ASTL: variants seen among roughly 807,000 people sequenced by gnomAD.
The protein encoded by ASTL is astacin like metalloendopeptidase, also known as astacin-like metalloendopeptidase.
A neutral mutation model predicts 36.7 loss-of-function variants in ASTL; 27 were observed. The observed-to-expected ratio is 0.73, with a 90% CI of 0.54 to 1.01. The LOEUF (loss-of-function observed/expected upper bound fraction) is 1.01, where lower values mean the gene tolerates loss of function less well. Among genes scored for constraint, ASTL ranks in the 50% least tolerant of loss-of-function variants. The pLI is 0.00. For missense variants in ASTL, 524 were observed against 572.8 expected (o/e 0.91, Z 0.87); for synonymous variants, 222 against 228.1 (o/e 0.97, Z 0.24).
intron 8 of ASTL, among the ~76,000 whole-genome samples, chr2:96,126,835 G>A (rs1328360579): frequency 6.7e-5 from 10 of 150,308 alleles, no homozygotes; most frequent in South Asian, 2.1e-4. Context: ...CAGCCTGGGC[G>A]ACAGAGTGAG....
chr2:96,124,249 A>ACCTCACAC lies in ASTL; in HGVS notation c.896_897insGTGTGAGG (p.Arg300CysfsTer55). The stretch of plus-strand genomic sequence containing the variant: ...ATAGGGAGGCCGGAGCGGGGCTCCT[A>ACCTCACAC]CCAGTGCTGTGGGCATGGGACCCTG... On this transcript the variant is annotated frameshift_variant, in exon 9 of 9. Coordinates refer to ENST00000342380, the MANE Select transcript of ASTL (RefSeq NM_001002036.4). LOFTEE classifies it low-confidence loss of function (END_TRUNC). This position sits in a 1 kb window ranked among gnomAD's most constrained non-coding sequence, Gnocchi z 4.1. The ACCTCACAC allele has an allele frequency of 6.6e-7, 1 of 1,514,048 alleles. No individual in the cohort carries two copies. Among genetic ancestry groups the ACCTCACAC allele is most frequent in the South Asian group, 1.3e-5 (1 of 74,684 alleles). The allele number at this position is 1,514,048 out of a possible 1,614,324, so 93.8% of individuals were successfully genotyped here.
Position 96,138,377 on chromosome 2 carries a change from C to T in ASTL, c.55+5G>A. On this transcript the variant is annotated splice_donor_5th_base_variant and intron_variant, in intron 1 of 8. Coordinates refer to ENST00000342380, the MANE Select transcript of ASTL (RefSeq NM_001002036.4). ...AGCAGCAGGAGGGACAGGCAGCCAG[C>T]TTACCTGGCAAGGAGAGCAGACCCA... The T allele has an allele frequency of 1.2e-6, 2 of 1,607,292 alleles. No individual in the cohort carries two copies. Among genetic ancestry groups the T allele is most frequent in the Non-Finnish European group, 1.7e-6 (2 of 1,176,582 alleles).
In ASTL at chr2:96,137,655, C is replaced by T; in HGVS notation, c.101G>A (p.Cys34Tyr). ...APLASSCAGA[C>Y]GTSFPDGLTP... ...GAGGCCATCTGGGAAGCTGGTACCA[C>T]AGGCTCCTGCGCAGCTGGAGGCCAG... is the stretch of plus-strand genomic sequence containing the variant. The change falls in exon 2 of 9, where the codon TGT becomes TAT. Residue 34 changes from cysteine (C) to tyrosine (Y), a missense_variant. Coordinates refer to ENST00000342380, the MANE Select transcript of ASTL (RefSeq NM_001002036.4). 2 of 1,613,962 alleles carry T rather than the reference C, an allele frequency of 1.2e-6. No individual in the cohort carries two copies. Among genetic ancestry groups the T allele is most frequent in the Non-Finnish European group, 1.7e-6 (2 of 1,179,938 alleles).
In ASTL at chr2:96,132,559, GT is replaced by G. The variant is rs764556124; in HGVS notation, c.617del (p.Asn206ThrfsTer22). Reference protein sequence around the residue: ...RADRDRYIRVNWNEILPGFEI... With the variant: ...RADRDRYIRVXWNEILPGFEI... ...GCTCACCTGGCAGGATCTCGTTCCA[GT>G]TGACACGGATATAGCGGTCCCGGTC... is the stretch of plus-strand genomic sequence containing the variant. On this transcript the variant is annotated frameshift_variant, in exon 6 of 9. Coordinates refer to ENST00000342380, the MANE Select transcript of ASTL (RefSeq NM_001002036.4). LOFTEE classifies it high-confidence loss of function. The surrounding 1 kb of genome is among the most constrained non-coding windows in gnomAD (Gnocchi z 5.4). 2 of 1,601,958 alleles carry G rather than the reference GT, an allele frequency of 1.2e-6. No individual in the cohort carries two copies. The highest frequency in any genetic ancestry group is 3.3e-5 in the Admixed American group (2 of 59,736).
chr2:96,136,853 T>C (rs966896095), intron 2 of ASTL, among the ~76,000 whole-genome samples: 5 of 152,134 alleles, frequency 3.3e-5, no homozygotes, highest in African/African-American at 1.2e-4. Context: ...AGCCTGACTT[T>C]TGTTTTTTGT....
chr2:96,122,895 T>C lies in ASTL; in HGVS notation c.*955A>G, dbSNP rs1031179051. ...CCCTTCTACCCCAAGCAGGGCTTCC[T>C]TGACCCTCTGAAAGGCCACCAAAAC... is the stretch of plus-strand genomic sequence containing the variant. On this transcript the variant is annotated 3_prime_UTR_variant, in exon 9 of 9. Transcript: ENST00000342380. 1.3e-4 allele frequency among the ~76,000 whole-genome samples: 20 copies of C among 152,254 alleles called. No individual in the cohort carries two copies. Among genetic ancestry groups the C allele is most frequent in the African/African-American group, 4.6e-4 (19 of 41,476 alleles).
At chr2:96,133,767 CT>C in intron 4 of ASTL, 197 bp downstream of exon 4, 1 of 643,396 alleles carries the variant, frequency 1.6e-6, no homozygotes, top group Non-Finnish European at 2.8e-6. Flanking sequence ...CAGATCCCCA[CT>C]CGACATACCT....
chr2:96,130,966 C>G (rs187290115), intron 6 of ASTL, among the ~76,000 whole-genome samples: 45 of 152,310 alleles, frequency 3.0e-4, no homozygotes, highest in Admixed American at 2.9e-3. Flanking sequence ...CGCCCCACAA[C>G]AGTTAATTAC....
rs748161965 is a variant in ASTL at position 96,132,552 on chromosome 2, C to T, written c.625G>A (p.Glu209Lys). ...RDRYIRVNWN[E>K]ILPGFEINFI... Reference sequence around the variant, plus strand: ...TGGCCTGGCTCACCTGGCAGGATCTCGTTCCAGTTGACACGGATATAGCGG... The same window carrying T: ...TGGCCTGGCTCACCTGGCAGGATCTTGTTCCAGTTGACACGGATATAGCGG... The change falls in exon 6 of 9, where the codon GAG (glutamate) becomes AAG (lysine). Residue 209 changes from glutamate (E) to lysine (K), a missense_variant. By Grantham distance (56) the Glu-to-Lys change is moderately conservative (BLOSUM62 1). Transcript: ENST00000342380. The surrounding 1 kb of genome is among the most constrained non-coding windows in gnomAD (Gnocchi z 5.4). 1.9e-6 allele frequency: 3 copies of T among 1,598,392 alleles called. No individual in the cohort carries two copies. Among genetic ancestry groups the T allele is most frequent in the Admixed American group, 1.7e-5 (1 of 59,586 alleles).
At position 96,133,965 on chromosome 2, in the gene ASTL, C is replaced by T. The variant is rs760249581; in HGVS notation, c.337G>A (p.Asp113Asn). ...GAGGGAGCGCGCCATGCTCACTCAC[C>T]GTACTTGCTGGAGAGCAGGAAGGGG... ...EVPFLLSSKY[D>N]EPSRQVILEA... The change falls in exon 4 of 9, where the codon GAT (aspartate) becomes AAT (asparagine). Residue 113 changes from aspartate (D) to asparagine (N), a missense_variant and splice_region_variant. By Grantham distance (23) the Asp-to-Asn change is conservative (BLOSUM62 1). Transcript: ENST00000342380. The T allele has an allele frequency of 2.5e-6, 4 of 1,606,672 alleles. No homozygotes were observed. The highest frequency in any genetic ancestry group is 3.4e-6 in the Non-Finnish European group (4 of 1,173,448).
rs979906797 is a variant in ASTL, at chr2:96,129,858, G to T, written c.840C>A (p.Gly280=). The change falls in exon 8 of 9, where the codon GGC becomes GGA. Residue 280 remains glycine (G), a synonymous_variant. Coordinates refer to ENST00000342380, the MANE Select transcript of ASTL (RefSeq NM_001002036.4). ...GGGGCCTGGGGCCACTTGGGCTGCA[G>T]CCGTAGAGTTTGAGGACCCGGGTGA... ...SDITRVLKLY[G]CSPSGPRPRG... 1.6e-5 allele frequency: 25 copies of T among 1,591,062 alleles called. No homozygotes were observed. The highest frequency in any genetic ancestry group is 2.1e-5 in the Non-Finnish European group (25 of 1,165,456).
intron 1 of ASTL, among the ~76,000 whole-genome samples, chr2:96,138,159 C>T (rs1014071555): frequency 2.0e-5 from 3 of 152,180 alleles, no homozygotes; most frequent in African/African-American, 4.8e-5. Flanking sequence ...GCCTGGGGCA[C>T]AACACTTATC....
intron 8 of ASTL, 86 bp downstream of exon 8, chr2:96,129,738 A>C (rs1682129333): frequency 2.2e-6 from 3 of 1,347,340 alleles, no homozygotes; most frequent in Admixed American, 4.9e-5. Context: ...CTGCAACCTC[A>C]TCTCCCTCCT....
rs550067587 is a variant in ASTL at position 96,124,192 on chromosome 2, C to T, written c.954G>A (p.Ala318=). 1.6e-5 allele frequency: 25 copies of T among 1,527,118 alleles called. No homozygotes were observed. The Middle Eastern group carries it at 5.4e-4, about 33-fold the overall frequency. 94.6% of individuals were successfully genotyped at this position (1,527,118 alleles called of 1,614,324 possible). A position where few individuals can be genotyped will look rare whatever the true frequency, so the allele number is the denominator to read the frequency against. Residue 318 remains alanine, a synonymous_variant, in exon 9 of 9, where the codon GCG becomes GCA. Coordinates refer to ENST00000342380, the MANE Select transcript of ASTL (RefSeq NM_001002036.4). The surrounding 1 kb of genome is among the most constrained non-coding windows in gnomAD (Gnocchi z 4.1). ...SLQRLLEALS[A]ESRSPDPSGS... is the part of the protein sequence containing the mutation. ...CACTGGGGTCGGGGCTCCTGGATTC[C>T]GCCGACAGTGCCTCCAAAAGCCGCT...
At chr2:96,135,894 T>C (rs1307672012) in intron 2 of ASTL, among the ~76,000 whole-genome samples, 4 of 152,198 alleles carry the variant, frequency 2.6e-5, no homozygotes, top group Non-Finnish European at 5.9e-5. Flanking sequence ...CAGTGGCTTC[T>C]TCCAGCCTGA....
Position 96,132,813 on chromosome 2 carries a change from T to C in ASTL, c.456-92A>G. The C allele has an allele frequency of 1.7e-6, 2 of 1,211,010 alleles. No homozygotes were observed. The highest frequency in any genetic ancestry group is 2.3e-4 in the Middle Eastern group (1 of 4,416). The allele number at this position is 1,211,010 out of a possible 1,614,324, so 75.0% of individuals were successfully genotyped here. ...CTCTCCCTCCCCACACAACACAAGA[T>C]AGACAAACTCCCAACAGGCAGGCCC... On this transcript the variant is annotated intron_variant, in intron 5 of 8. Coordinates refer to ENST00000342380, the MANE Select transcript of ASTL (RefSeq NM_001002036.4). This position sits in a 1 kb window ranked among gnomAD's most constrained non-coding sequence, Gnocchi z 5.4.
In ASTL at chr2:96,124,104, A is replaced by T. The variant is rs766863005; in HGVS notation, c.1042T>A (p.Ser348Thr). Residue 348 changes from serine (S) to threonine (T), a missense_variant, in exon 9 of 9, where the codon TCC becomes ACC. Transcript: ENST00000342380. The surrounding 1 kb of genome is among the most constrained non-coding windows in gnomAD (Gnocchi z 4.1). ...GPGESPHGWE[S>T]PALKKLSAEA... ...GCACTGAGCTTTTTCAGGGCAGGGG[A>T]CTCCCACCCATGTGGGCTCTCCCCA... 1.2e-6 allele frequency: 2 copies of T among 1,604,220 alleles called. No homozygotes were observed. Among genetic ancestry groups the T allele is most frequent in the East Asian group, 2.2e-5 (1 of 44,662 alleles).
rs143172084 is a variant in ASTL at position 96,132,567 on chromosome 2, G to A, written c.610C>T (p.Arg204Cys). The change falls in exon 6 of 9, where the codon CGT (arginine) becomes TGT (cysteine). Residue 204 changes from arginine (R) to cysteine (C), a missense_variant. Coordinates refer to ENST00000342380, the MANE Select transcript of ASTL (RefSeq NM_001002036.4). The surrounding 1 kb of genome is among the most constrained non-coding windows in gnomAD (Gnocchi z 5.4). ...HTRADRDRYI[R>C]VNWNEILPGF... ...GGCAGGATCTCGTTCCAGTTGACAC[G>A]GATATAGCGGTCCCGGTCGGCCCGC... The A allele has an allele frequency of 3.3e-3, 5,320 of 1,607,616 alleles. 11 individuals are homozygous for A. The highest frequency in any genetic ancestry group is 4.0e-3 in the Non-Finnish European group (4,718 of 1,175,084).
At position 96,124,841 on chromosome 2, in the gene ASTL, C is replaced by T. The variant is rs1682033637; in HGVS notation, c.875-570G>A. ...CTCAGCACTGCCTCCCATCCCAGTT[C>T]CTCCTGCGCATGCAGCGAGGGCTTC... is the stretch of plus-strand genomic sequence containing the variant. On this transcript the variant is annotated intron_variant, in intron 8 of 8. Coordinates refer to ENST00000342380, the MANE Select transcript of ASTL (RefSeq NM_001002036.4). The surrounding 1 kb of genome is among the most constrained non-coding windows in gnomAD (Gnocchi z 4.1). Among the ~76,000 whole-genome samples the T allele has an allele frequency of 6.6e-6, 1 of 152,182 alleles. No individual in the cohort carries two copies. The highest frequency in any genetic ancestry group is 2.4e-5 in the African/African-American group (1 of 41,450).
Sources: allele counts gnomAD v4.1 joint callset (sites outside exome capture counted in the v4.1 genomes callset), GRCh38; gene constraint gnomAD v4.1.1; non-coding constraint Gnocchi (gnomAD v3.1); transcripts MANE v1.5; gene names NCBI Gene and HGNC (gene_info 2026-07-23, HGNC 2026-07-21).